Variants in PLAC8 observed in about 807,000 individuals in gnomAD.
The protein encoded by PLAC8 is placenta associated 8, also known as placenta-specific gene 8 protein.
A neutral mutation model predicts 12.6 loss-of-function variants in PLAC8; 6 were observed. The ratio of observed to expected loss-of-function variants is 0.48; its 90% CI spans 0.26 to 0.94. The LOEUF (loss-of-function observed/expected upper bound fraction) is 0.94. Ranked by LOEUF, PLAC8 falls within the 40% of genes least tolerant of loss-of-function variation. The pLI is 0.14. For synonymous variants in PLAC8, 54 were observed against 52.6 expected, an observed-to-expected ratio of 1.03 and a Z score of -0.11; for missense variants, 122 against 152.7, an observed-to-expected ratio of 0.80 and a Z score of 1.06.
chr4:83,092,100 G>A (rs1731819426), intron 4 of PLAC8, among the ~76,000 whole-genome samples: 1 of 152,110 alleles, frequency 6.6e-6, no homozygotes, highest in Non-Finnish European at 1.5e-5. Flanking sequence ...TTGCCAGTGA[G>A]TGATGTAGGG....
At chr4:83,111,980 A>G (rs187401874) in intron 1 of PLAC8, among the ~76,000 whole-genome samples, 16 of 152,032 alleles carry the variant, frequency 1.1e-4, no homozygotes, top group African/African-American at 3.9e-4. Flanking sequence ...TTCGAGACCA[A>G]CCTGAACAAC....
At chr4:83,094,571 A>G (rs971061187) in intron 4 of PLAC8, 107 bp downstream of exon 4, 8 of 656,928 alleles carry the variant, frequency 1.2e-5, no homozygotes, top group Non-Finnish European at 2.1e-5. Context: ...AGGAGACTTA[A>G]GAAATAGTTA....
chr4:83,107,821 A>C lies in PLAC8; in HGVS notation c.101T>G (p.Phe34Cys). 1 of 1,606,454 alleles carries C rather than the reference A, an allele frequency of 6.2e-7. No individual in the cohort carries two copies. The highest frequency in any genetic ancestry group is 8.5e-7 in the Non-Finnish European group (1 of 1,175,244). ...SNWQTGMCDCFSDCGVCLCGT... is the reference protein window; with the variant it reads ...SNWQTGMCDCCSDCGVCLCGT... ...ACACTTACAGACTCCGCAGTCGCTG[A>C]AACAGTCACACATGCCTGTCTGCCA... Residue 34 changes from phenylalanine (F) to cysteine (C), a missense_variant, in exon 2 of 5, where the codon TTC becomes TGC. Transcript: ENST00000311507.
chr4:83,112,915 C>A (rs1358356699), intron 1 of PLAC8, among the ~76,000 whole-genome samples: 1 of 152,194 alleles, frequency 6.6e-6, no homozygotes, highest in African/African-American at 2.4e-5. Flanking sequence ...ATCTAGAGTT[C>A]CTAGGACCTT....
intron 3 of PLAC8, 89 bp downstream of exon 3, chr4:83,104,807 A>G (rs962856401): frequency 1.1e-5 from 15 of 1,365,760 alleles, no homozygotes; most frequent in Non-Finnish European, 1.6e-5. Flanking sequence ...CAATTTCAGA[A>G]GATGTATACA....
chr4:83,101,993 C>G (rs1263616296), intron 3 of PLAC8, among the ~76,000 whole-genome samples: 2 of 152,042 alleles, frequency 1.3e-5, no homozygotes, highest in Admixed American at 1.3e-4. Context: ...AACAATGTAC[C>G]TAGACATCCA....
chr4:83,094,323 C>A, intron 4 of PLAC8: 1 of 165,350 alleles, frequency 6.0e-6, no homozygotes, highest in Non-Finnish European at 1.3e-5. Flanking sequence ...TAATTATTTA[C>A]GAATTCCTTT....
At chr4:83,109,345 A>T (rs554976476) in intron 1 of PLAC8, among the ~76,000 whole-genome samples, 5 of 152,202 alleles carry the variant, frequency 3.3e-5, no homozygotes, top group South Asian at 2.1e-4. Flanking sequence ...TGATTTTTTT[A>T]AAAATGTACC....
rs1375308122 is a variant in PLAC8, at chr4:83,092,456, G to A, written c.*10-1485C>T. 2.6e-5 allele frequency among the ~76,000 whole-genome samples: 4 copies of A among 151,762 alleles called. No individual in the cohort carries two copies. In the East Asian group the frequency reaches 7.7e-4, roughly 29 times the overall value. On this transcript the variant is annotated intron_variant, in intron 4 of 4. Transcript: ENST00000311507. ...GCTATGTTGCCCAGGCTGGTCGCTG[G>A]TGCTGAACTCCTGAGCTCAAGTGAT...
At chr4:83,105,106 C>T in intron 2 of PLAC8, 86 bp from the exon 3 acceptor site, 1 of 1,513,836 alleles carries the variant, frequency 6.6e-7, no homozygotes, top group Non-Finnish European at 9.1e-7. Flanking sequence ...AAATGGCAGT[C>T]CGAGTCATGG....
intron 1 of PLAC8, among the ~76,000 whole-genome samples, chr4:83,110,028 G>A (rs536582326): frequency 7.2e-5 from 11 of 152,232 alleles, no homozygotes; most frequent in African/African-American, 2.2e-4. Flanking sequence ...GCGTGAACCG[G>A]GCAGCGGGCG....
chr4:83,092,342 T>C (rs1292854705), intron 4 of PLAC8, among the ~76,000 whole-genome samples: 1 of 152,132 alleles, frequency 6.6e-6, no homozygotes, highest in East Asian at 1.9e-4. Context: ...TCCTGTACAA[T>C]CTGTACTATA....
chr4:83,091,954 T>C (rs1731817061), intron 4 of PLAC8, among the ~76,000 whole-genome samples: 2 of 152,224 alleles, frequency 1.3e-5, no homozygotes. Flanking sequence ...TGCCCCAGTT[T>C]GGACTATGGG....
chr4:83,102,595 G>T (rs7655091), intron 3 of PLAC8, among the ~76,000 whole-genome samples: 55,751 of 151,896 alleles, frequency 0.37, 10,544 homozygotes, highest in Middle Eastern at 0.44. Context: ...AATATCAACA[G>T]TAAAGGAGAT....
chr4:83,106,086 A>G (rs1732232708), intron 2 of PLAC8, among the ~76,000 whole-genome samples: 1 of 151,758 alleles, frequency 6.6e-6, no homozygotes, highest in Non-Finnish European at 1.5e-5. Context: ...TGCAACCTCT[A>G]CCTCTCAGGT....
intron 1 of PLAC8, among the ~76,000 whole-genome samples, chr4:83,112,489 T>C (rs1560458442): frequency 6.6e-6 from 1 of 152,122 alleles, no homozygotes; most frequent in South Asian, 2.1e-4. Flanking sequence ...TCTGATGCTA[T>C]TGTAAGTTCC....
At chr4:83,100,395 C>T (rs1732066586) in intron 3 of PLAC8, among the ~76,000 whole-genome samples, 1 of 152,148 alleles carries the variant, frequency 6.6e-6, no homozygotes, top group African/African-American at 2.4e-5. Context: ...CACAGGTCTC[C>T]CTAGAAGCAG....
intron 1 of PLAC8, among the ~76,000 whole-genome samples, chr4:83,113,738 G>A (rs1419725966): frequency 6.6e-6 from 1 of 152,102 alleles, no homozygotes; most frequent in Non-Finnish European, 1.5e-5. Context: ...TGGGAATCTT[G>A]GTGGGCAAGC....
intron 1 of PLAC8, among the ~76,000 whole-genome samples, chr4:83,109,386 A>G (rs1461878142): frequency 1.3e-5 from 2 of 152,146 alleles, no homozygotes; most frequent in Non-Finnish European, 2.9e-5. Context: ...TTTTACACTA[A>G]AAGAAGGAGG....
Sources: gnomAD v4.1 joint callset for allele counts (sites outside exome capture counted in the v4.1 genomes callset) on GRCh38, gnomAD v4.1.1 for gene constraint, MANE v1.5 for transcripts, NCBI Gene and HGNC (gene_info 2026-07-23, HGNC 2026-07-21) for gene names.